Variants in TNRC18 observed in about 807,000 individuals in gnomAD.
TNRC18 encodes trinucleotide repeat-containing gene 18 protein.
A neutral mutation model predicts 226.7 loss-of-function variants in TNRC18; 69 were observed. The observed-to-expected ratio is 0.30, with a 90% CI of 0.25 to 0.37. The LOEUF (loss-of-function observed/expected upper bound fraction) is 0.37, where lower values mean the gene tolerates loss of function less well. Among genes scored for constraint, TNRC18 ranks in the 10% least tolerant of loss-of-function variants. The pLI is 1.00. For synonymous variants in TNRC18, 2,449 were observed against 1,927.6 expected (o/e 1.27, Z -7.09); for missense variants, 4,754 against 4,256.6 (o/e 1.12, Z -3.25).
chr7:5,321,224 C>A, intron 21 of TNRC18, 34 bp from the exon 22 acceptor site: 2 of 1,467,324 alleles, frequency 1.4e-6, no homozygotes, highest in South Asian at 1.2e-5. Context: ...GAGGCTGGAG[C>A]CGGGGGCGTC....
intron 18 of TNRC18, among the ~76,000 whole-genome samples, chr7:5,341,851 C>A (rs924008362): frequency 3.3e-5 from 5 of 151,516 alleles, no homozygotes; most frequent in Non-Finnish European, 7.4e-5. Flanking sequence ...TTTAAGCCTG[C>A]TGTTGAGACC....
At chr7:5,317,900 C>CA (rs1788013209) in intron 24 of TNRC18, among the ~76,000 whole-genome samples, 1 of 151,782 alleles carries the variant, frequency 6.6e-6, no homozygotes, top group African/African-American at 2.4e-5. Context: ...GACAGAGTCT[C>CA]ACTATGTTAC....
intron 11 of TNRC18, among the ~76,000 whole-genome samples, chr7:5,368,415 C>A (rs572138603): frequency 6.6e-6 from 1 of 152,068 alleles, no homozygotes; most frequent in Admixed American, 6.5e-5. Context: ...GTAATCCCAG[C>A]ACTTTGGGTG....
rs1245758008 is a variant in TNRC18 at position 5,312,987 on chromosome 7, G to C, written c.7904C>G (p.Ser2635Cys). The change falls in exon 27 of 30, where the codon TCC (serine) becomes TGC (cysteine). Residue 2635 changes from serine to cysteine, a missense_variant. Ser to Cys is a moderately radical substitution (Grantham distance 112). Transcript: ENST00000430969. This position sits in a 1 kb window ranked among gnomAD's most constrained non-coding sequence, Gnocchi z 6.3. ...GGAAGAGGAGGAGGAGGAAGAGGAG[G>C]AGGAGGAAGAGGAGGATGAGGAGGA... is the stretch of plus-strand genomic sequence containing the variant. Reference protein sequence around the residue: ...SSSSSSSSSSSSSSSSSSSSS... With the variant: ...SSSSSSSSSSCSSSSSSSSSS... 2 of 991,154 alleles carry C rather than the reference G, an allele frequency of 2.0e-6. No homozygotes were observed. The highest frequency in any genetic ancestry group is 3.2e-5 in the African/African-American group (2 of 62,668). The allele number at this position is 991,154 out of a possible 1,614,324, so 61.4% of individuals were successfully genotyped here.
chr7:5,406,648 C>T (rs1042521050), intron 2 of TNRC18, among the ~76,000 whole-genome samples: 3 of 151,600 alleles, frequency 2.0e-5, no homozygotes, highest in African/African-American at 7.3e-5. Context: ...GTCAGGAGTT[C>T]GACACCAGCC....
intron 24 of TNRC18, among the ~76,000 whole-genome samples, chr7:5,317,070 C>CT (rs1787922249): frequency 6.6e-6 from 1 of 152,178 alleles, no homozygotes; most frequent in South Asian, 2.1e-4. Flanking sequence ...GATGCTGGTA[C>CT]TATATCCCCA....
Position 5,361,649 on chromosome 7 carries a change from G to A in TNRC18, c.4606C>T (p.Pro1536Ser). Residue 1536 changes from proline to serine, a missense_variant, in exon 14 of 30, where the codon CCG becomes TCG. Pro to Ser is a moderately conservative substitution (Grantham distance 74, BLOSUM62 -1). Transcript: ENST00000430969. ...TTGCGGGGGGGCGACAGGGCGCTCG[G>A]GGCGTGGGTCCGTTTCCGCGGCCTG... is the stretch of plus-strand genomic sequence containing the variant. ...PGRPRKRTHA[P>S]SALSPPRKRG... is the part of the protein sequence containing the mutation. 6.4e-7 allele frequency: 1 copy of A among 1,558,930 alleles called. No individual in the cohort carries two copies. The highest frequency in any genetic ancestry group is 1.4e-5 in the African/African-American group (1 of 72,634).
intron 2 of TNRC18, among the ~76,000 whole-genome samples, chr7:5,404,550 C>G (rs747787678): frequency 9.2e-5 from 14 of 151,988 alleles, no homozygotes; most frequent in Non-Finnish European, 1.8e-4. Context: ...GTTAGCTGCC[C>G]GGGAAGGATG....
At chr7:5,308,658 C>A (rs1786851025) in intron 29 of TNRC18, among the ~76,000 whole-genome samples, 1 of 152,150 alleles carries the variant, frequency 6.6e-6, no homozygotes, top group African/African-American at 2.4e-5. Context: ...GACTCAGAGA[C>A]AGACACTGGG....
chr7:5,347,188 A>AT (rs879502491), intron 17 of TNRC18, among the ~76,000 whole-genome samples: 19,559 of 143,326 alleles, frequency 0.14, 1,478 homozygotes, highest in Middle Eastern at 0.19. Flanking sequence ...CAAAAAAAAA[A>AT]ATTTTTTTTT....
chr7:5,419,543 GC>G (rs1220311017), intron 2 of TNRC18, among the ~76,000 whole-genome samples: 1 of 151,752 alleles, frequency 6.6e-6, no homozygotes, highest in African/African-American at 2.4e-5. Context: ...CCCCAGGGCC[GC>G]CCCCCAAGTT....
rs1286049372 is a variant in TNRC18, at chr7:5,357,103, G to A, written c.5007C>T (p.Tyr1669=). ...SGGCGRYLTP[Y]DSLLGKNRKA... ...TCCTGTTCTTCCCCAGCAGGCTGTCGTAAGGAGTCAAGTACCTGCCGCAGC... is the reference window on the plus strand; with the variant it reads ...TCCTGTTCTTCCCCAGCAGGCTGTCATAAGGAGTCAAGTACCTGCCGCAGC... The change falls in exon 16 of 30, where the codon TAC becomes TAT. Residue 1669 remains tyrosine (Y), a synonymous_variant. Coordinates refer to ENST00000430969, the MANE Select transcript of TNRC18 (RefSeq NM_001080495.3). The A allele has an allele frequency of 5.8e-6, 9 of 1,552,328 alleles. No individual in the cohort carries two copies. The highest frequency in any genetic ancestry group is 2.4e-5 in the East Asian group (1 of 40,996).
intron 17 of TNRC18, 110 bp downstream of exon 17, chr7:5,351,709 C>T (rs1467932466): frequency 1.1e-5 from 14 of 1,277,814 alleles, no homozygotes; most frequent in East Asian, 2.6e-5. Flanking sequence ...TCCGCACGGG[C>T]CTCCTCACCC....
chr7:5,374,051 C>T lies in TNRC18; in HGVS notation c.3229+4G>A. 6.4e-7 allele frequency: 1 copy of T among 1,551,256 alleles called. No homozygotes were observed. Among genetic ancestry groups the T allele is most frequent in the Non-Finnish European group, 8.7e-7 (1 of 1,154,606 alleles). On this transcript the variant is annotated splice_donor_region_variant and intron_variant, in intron 10 of 29. Coordinates refer to ENST00000430969, the MANE Select transcript of TNRC18 (RefSeq NM_001080495.3). The stretch of plus-strand genomic sequence containing the variant: ...AGACCCTGAGGGTCTCAGCTGCATC[C>T]TACCTGAGAACAGGGCCTGGAAGGG...
Position 5,332,616 on chromosome 7 carries a change from C to T in TNRC18, c.6147+6G>A. The T allele has an allele frequency of 6.6e-7, 1 of 1,521,988 alleles. No homozygotes were observed. The highest frequency in any genetic ancestry group is 8.8e-7 in the Non-Finnish European group (1 of 1,136,688). The allele number at this position is 1,521,988 out of a possible 1,614,324, so 94.3% of individuals were successfully genotyped here. A position where few individuals can be genotyped will look rare whatever the true frequency, so the allele number is the denominator to read the frequency against. On this transcript the variant is annotated splice_donor_region_variant and intron_variant, in intron 19 of 29. Coordinates refer to ENST00000430969, the MANE Select transcript of TNRC18 (RefSeq NM_001080495.3). ...CTGCGGCACCCCCTCCCAGCGCGGCCCCTACCTTCCTGGGGTCCTTCCTGT... is the reference window on the plus strand; with the variant it reads ...CTGCGGCACCCCCTCCCAGCGCGGCTCCTACCTTCCTGGGGTCCTTCCTGT...
At position 5,377,028 on chromosome 7, in the gene TNRC18, G is replaced by A. The variant is rs768936742; in HGVS notation, c.2462-35C>T. The A allele has an allele frequency of 1.9e-6, 3 of 1,551,444 alleles. No homozygotes were observed. The East Asian group carries it at 7.2e-5, about 37-fold the overall frequency. ...GAAGCCCAGGCCTGAGTCAGTGCTG[G>A]GAGCCCCCAAGCGGTTTGTCCTCGG... On this transcript the variant is annotated intron_variant, in intron 7 of 29. Coordinates refer to ENST00000430969, the MANE Select transcript of TNRC18 (RefSeq NM_001080495.3). This position sits in a 1 kb window ranked among gnomAD's most constrained non-coding sequence, Gnocchi z 5.8.
At position 5,376,995 on chromosome 7, in the gene TNRC18, TAGG is replaced by T. The variant is rs1460579390; in HGVS notation, c.2462-5_2462-3del. The T allele has an allele frequency of 1.9e-6, 3 of 1,574,936 alleles. No homozygotes were observed. Among genetic ancestry groups the T allele is most frequent in the East Asian group, 2.3e-5 (1 of 42,884 alleles). Reference sequence around the variant, plus strand: ...GGTGCAGAGATGGGGGACCCAAGCCTAGGAGGAGAAGCCCAGGCCTGAGTCAGT... The same window carrying T: ...GGTGCAGAGATGGGGGACCCAAGCCTAGGAGAAGCCCAGGCCTGAGTCAGT... On this transcript the variant is annotated splice_polypyrimidine_tract_variant and splice_region_variant and intron_variant, in intron 7 of 29. Transcript: ENST00000430969.
intron 18 of TNRC18, among the ~76,000 whole-genome samples, chr7:5,339,646 T>C (rs1790488591): frequency 6.6e-6 from 1 of 151,804 alleles, no homozygotes. Flanking sequence ...CTCTGCTCAC[T>C]GCAAACTCTG....
chr7:5,349,959 T>C (rs1791611849), intron 17 of TNRC18, among the ~76,000 whole-genome samples: 1 of 151,638 alleles, frequency 6.6e-6, no homozygotes, highest in East Asian at 2.0e-4. Context: ...CCTATCTGGG[T>C]CCCGTCCACT....
Sources: allele counts gnomAD v4.1 joint callset (sites outside exome capture counted in the v4.1 genomes callset), GRCh38; gene constraint gnomAD v4.1.1; non-coding constraint Gnocchi (gnomAD v3.1); transcripts MANE v1.5; gene names NCBI Gene and HGNC (gene_info 2026-07-23, HGNC 2026-07-21).